The following AGL variants were observed in gnomAD, a reference collection of about 807,000 sequenced individuals.
The protein encoded by AGL is glycogen debranching enzyme.
A neutral mutation model predicts 199.3 loss-of-function variants in AGL; 128 were observed. That is an observed-to-expected ratio of 0.64 (90% CI 0.56 to 0.74). The LOEUF (loss-of-function observed/expected upper bound fraction) is 0.74. AGL is among the 30% of genes least tolerant of loss of function. AGL has a pLI of 0.00. For missense variants in AGL, 1,809 were observed against 1,820.8 expected (o/e 0.99, Z 0.12); for synonymous variants, 584 against 594.7 (o/e 0.98, Z 0.26).
chr1:99,854,512 T>C (rs1048192795), intron 2 of AGL, among the ~76,000 whole-genome samples: 9 of 152,080 alleles, frequency 5.9e-5, no homozygotes, highest in South Asian at 2.1e-4. Flanking sequence ...CCTGTAATCC[T>C]AGCACTTTGG....
At chr1:99,905,372 T>TTTG (rs150259594) in intron 27 of AGL, among the ~76,000 whole-genome samples, 5,981 of 150,988 alleles carry the variant, frequency 0.04, 157 homozygotes, top group African/African-American at 0.068. Context: ...ATTTTTTGTA[T>TTTG]TTGTTGTTGT....
chr1:99,856,186 T>C (rs1649399395), intron 2 of AGL, among the ~76,000 whole-genome samples: 1 of 152,194 alleles, frequency 6.6e-6, no homozygotes, highest in Non-Finnish European at 1.5e-5. Context: ...TTACTGTATA[T>C]AAAAATTTTA....
intron 24 of AGL, among the ~76,000 whole-genome samples, chr1:99,893,512 G>A (rs1653068037): frequency 6.6e-6 from 1 of 152,056 alleles, no homozygotes; most frequent in Non-Finnish European, 1.5e-5. Flanking sequence ...TAGCCATAGG[G>A]GCAAAGGAAA....
Position 99,881,135 on chromosome 1 carries a change from T to A in AGL, c.1959T>A (p.Ala653=). The part of the protein sequence containing the change: ...STTIVSMACC[A]SGSTRGYDEL... ...CAATTGTTTCTATGGCATGTTGTGCTAGTGGAAGTACAAGAGGCTATGATG... is the reference window on the plus strand; with the variant it reads ...CAATTGTTTCTATGGCATGTTGTGCAAGTGGAAGTACAAGAGGCTATGATG... The change falls in exon 15 of 34, where the codon GCT becomes GCA. Residue 653 remains alanine, a synonymous_variant. Transcript: ENST00000361915. 1 of 1,614,056 alleles carries A rather than the reference T, an allele frequency of 6.2e-7. No homozygotes were observed. Among genetic ancestry groups the A allele is most frequent in the Non-Finnish European group, 8.5e-7 (1 of 1,179,940 alleles).
At chr1:99,916,098 CTAGGAAA>C (rs1450075469) in intron 31 of AGL, among the ~76,000 whole-genome samples, 5 of 151,646 alleles carry the variant, frequency 3.3e-5, no homozygotes, top group African/African-American at 1.2e-4. Flanking sequence ...TATTAGAGGC[CTAGGAAA>C]TAGTTGACTT....
At chr1:99,919,236 A>AG (rs1407390138) in intron 33 of AGL, among the ~76,000 whole-genome samples, 1 of 152,198 alleles carries the variant, frequency 6.6e-6, no homozygotes, top group Admixed American at 6.5e-5. Context: ...TGGTAATCAT[A>AG]GGGTTTGCTT....
At chr1:99,894,522 A>C (rs1487615849) in intron 24 of AGL, among the ~76,000 whole-genome samples, 1 of 152,210 alleles carries the variant, frequency 6.6e-6, no homozygotes, top group Non-Finnish European at 1.5e-5. Flanking sequence ...AATATCATGT[A>C]TATATCAACC....
intron 21 of AGL, 137 bp from the exon 22 acceptor site, chr1:99,891,082 TG>T: frequency 1.0e-6 from 1 of 992,128 alleles, no homozygotes; most frequent in Non-Finnish European, 1.6e-6. Flanking sequence ...TGTTGTGGAC[TG>T]GGTAGCCCTT....
intron 20 of AGL, 49 bp downstream of exon 20, chr1:99,884,752 A>G (rs773364151): frequency 6.2e-7 from 1 of 1,606,326 alleles, no homozygotes; most frequent in African/African-American, 1.3e-5. Context: ...TAAGTAAGTT[A>G]CCACTAGACT....
At chr1:99,877,530 A>G in intron 11 of AGL, 111 bp from the exon 12 acceptor site, 1 of 928,550 alleles carries the variant, frequency 1.1e-6, no homozygotes. Context: ...TTTAACCAAT[A>G]TATCATTTAT....
chr1:99,906,021 G>A (rs1320150037), intron 27 of AGL, among the ~76,000 whole-genome samples: 2 of 151,858 alleles, frequency 1.3e-5, no homozygotes, highest in Non-Finnish European at 2.9e-5. Context: ...TACAATTTTA[G>A]CCATTTTAAG....
chr1:99,881,646 A>G lies in AGL; in HGVS notation c.2263A>G (p.Lys755Glu). ...ATCTAGAACTGCTTTCAGGAATCCC[A>G]AGACTTCATTTTACAGCAAGGAAGT... ...AVSRTAFRNP[K>E]TSFYSKEVPQ... The change falls in exon 17 of 34, where the codon AAG becomes GAG. Residue 755 changes from lysine (K) to glutamate (E), a missense_variant. By Grantham distance (56) the Lys-to-Glu change is moderately conservative. Transcript: ENST00000361915. 5.0e-6 allele frequency: 8 copies of G among 1,614,028 alleles called. No individual in the cohort carries two copies. Among genetic ancestry groups the G allele is most frequent in the Non-Finnish European group, 6.8e-6 (8 of 1,179,950 alleles).
rs886038361 is a variant in AGL at position 99,913,749 on chromosome 1, C to G, written c.4161+11C>G. 1.2e-6 allele frequency: 2 copies of G among 1,611,338 alleles called. No individual in the cohort carries two copies. Among genetic ancestry groups the G allele is most frequent in the African/African-American group, 2.7e-5 (2 of 74,980 alleles). ...ATAGCAATGGTTGTGGTAGGTGATT[C>G]GTTTGTAAAAACATTTCAAAAAATG... On this transcript the variant is annotated intron_variant, in intron 30 of 33. Coordinates refer to ENST00000361915, the MANE Select transcript of AGL (RefSeq NM_000642.3).
rs543698093 is a variant in AGL, at chr1:99,857,538, A to G, written c.83-3965A>G. 7.0e-3 allele frequency among the ~76,000 whole-genome samples: 1,068 copies of G among 152,004 alleles called. 11 individuals carry two copies. Among genetic ancestry groups the G allele is most frequent in the African/African-American group, 0.025 (1,033 of 41,428 alleles). On this transcript the variant is annotated intron_variant, in intron 2 of 33. Transcript: ENST00000361915. ...CTGGGCAACATTGAGCACTGAGTGA[A>G]TGAGACTCCGTCTGCAATCCCGGCA...
At chr1:99,880,340 C>A (rs552900700) in intron 13 of AGL, among the ~76,000 whole-genome samples, 1 of 152,256 alleles carries the variant, frequency 6.6e-6, no homozygotes, top group East Asian at 1.9e-4. Context: ...TCATCTTCTA[C>A]TGGGAGATAT....
At chr1:99,866,826 A>ATTTTTTTTAT (rs1650557359) in intron 5 of AGL, among the ~76,000 whole-genome samples, 2 of 148,860 alleles carry the variant, frequency 1.3e-5, no homozygotes, top group Admixed American at 6.7e-5. Context: ...TATTTATTTT[A>ATTTTTTTTAT]TTTTTTTTTG....
intron 2 of AGL, among the ~76,000 whole-genome samples, chr1:99,857,634 A>G (rs12756297): frequency 0.38 from 57,146 of 149,794 alleles, 11,863 homozygotes; most frequent in East Asian, 0.49. Flanking sequence ...ACACAGCGAA[A>G]CCCCGTCTCC....
At chr1:99,916,564 T>C (rs1378666728) in intron 32 of AGL, 34 bp from the exon 33 acceptor site, 2 of 1,609,286 alleles carry the variant, frequency 1.2e-6, no homozygotes, top group East Asian at 2.2e-5. Flanking sequence ...TAGGTATTTA[T>C]GGTTTTTTTT....
intron 24 of AGL, among the ~76,000 whole-genome samples, chr1:99,894,926 G>A (rs1432746797): frequency 6.6e-6 from 1 of 152,124 alleles, no homozygotes; most frequent in African/African-American, 2.4e-5. Flanking sequence ...TCAACAGATA[G>A]CAAACAAGAT....
Sources: allele counts gnomAD v4.1 joint callset (sites outside exome capture counted in the v4.1 genomes callset), GRCh38; gene constraint gnomAD v4.1.1; transcripts MANE v1.5; gene names NCBI Gene and HGNC (gene_info 2026-07-23, HGNC 2026-07-21).